PCSK5: variants seen among roughly 807,000 people sequenced by gnomAD.
The protein encoded by PCSK5 is prohormone convertase 5.
A neutral mutation model predicts 233.2 loss-of-function variants in PCSK5; 129 were observed. That is an observed-to-expected ratio of 0.55 (90% CI 0.48 to 0.64). The LOEUF is 0.64. Among genes scored for constraint, PCSK5 ranks in the 30% least tolerant of loss-of-function variants. The pLI is 0.00. For missense variants in PCSK5, 2,076 were observed against 2,430.1 expected, an observed-to-expected ratio of 0.85 and a Z score of 3.06; for synonymous variants, 825 against 879.2, an observed-to-expected ratio of 0.94 and a Z score of 1.09.
chr9:76,079,201 T>TA (rs1830746241), intron 7 of PCSK5, among the ~76,000 whole-genome samples: 2 of 151,842 alleles, frequency 1.3e-5, no homozygotes, highest in South Asian at 4.2e-4. Flanking sequence ...CCTCTGGGGT[T>TA]CAAATGATTC....
chr9:76,203,681 C>T (rs1825000753), intron 20 of PCSK5, among the ~76,000 whole-genome samples: 1 of 152,148 alleles, frequency 6.6e-6, no homozygotes. Context: ...GTCTTACCTA[C>T]AGAACTGTGA....
At chr9:76,356,900 C>T (rs1192394941) in intron 37 of PCSK5, among the ~76,000 whole-genome samples, 1 of 152,112 alleles carries the variant, frequency 6.6e-6, no homozygotes, top group Non-Finnish European at 1.5e-5. Context: ...CCCTTGAACA[C>T]GAGAGATCCA....
chr9:76,118,972 G>GT (rs1200044779), intron 9 of PCSK5, among the ~76,000 whole-genome samples: 2 of 151,304 alleles, frequency 1.3e-5, no homozygotes, highest in Non-Finnish European at 1.5e-5. Context: ...CCTCCCATTT[G>GT]TTTTTTTAAA....
At chr9:76,219,193 T>C (rs1035753566) in intron 20 of PCSK5, among the ~76,000 whole-genome samples, 2 of 152,158 alleles carry the variant, frequency 1.3e-5, no homozygotes, top group East Asian at 1.9e-4. Flanking sequence ...GTTTGAGCAC[T>C]TGAAGTCAGG....
intron 32 of PCSK5, among the ~76,000 whole-genome samples, chr9:76,327,102 ATTTTT>A (rs56100078): frequency 5.5e-5 from 7 of 128,202 alleles, no homozygotes; most frequent in African/African-American, 1.8e-4. Context: ...GCCCATCTCT[ATTTTT>A]TTTTTTTTTT....
At chr9:76,131,220 T>G (rs1822751112) in intron 9 of PCSK5, among the ~76,000 whole-genome samples, 1 of 152,112 alleles carries the variant, frequency 6.6e-6, no homozygotes, top group Non-Finnish European at 1.5e-5. Context: ...AAGTAAGATG[T>G]GAATCAGACG....
chr9:76,278,540 T>A (rs1363683586), intron 24 of PCSK5, among the ~76,000 whole-genome samples: 2 of 152,174 alleles, frequency 1.3e-5, no homozygotes, highest in African/African-American at 4.8e-5. Flanking sequence ...TTTTTTTCCT[T>A]AATAACATTT....
chr9:75,974,123 G>A (rs1334154583), intron 2 of PCSK5, among the ~76,000 whole-genome samples: 1 of 152,228 alleles, frequency 6.6e-6, no homozygotes, highest in African/African-American at 2.4e-5. Flanking sequence ...AATTGACTGT[G>A]GTGGGCATGG....
At chr9:76,109,269 G>A (rs918375833) in intron 9 of PCSK5, among the ~76,000 whole-genome samples, 3 of 152,026 alleles carry the variant, frequency 2.0e-5, no homozygotes. Flanking sequence ...TCTGGAATAT[G>A]TTTCTGTCCA....
chr9:76,112,995 C>T (rs963767798), intron 9 of PCSK5, among the ~76,000 whole-genome samples: 5 of 152,128 alleles, frequency 3.3e-5, no homozygotes, highest in Non-Finnish European at 7.4e-5. Flanking sequence ...TTCGTCTAGT[C>T]CAACCTTACC....
At chr9:76,087,838 T>A (rs1831126635) in intron 7 of PCSK5, among the ~76,000 whole-genome samples, 1 of 152,076 alleles carries the variant, frequency 6.6e-6, no homozygotes, top group Admixed American at 6.6e-5. Context: ...GATAGATTGG[T>A]GAGGTTCAGA....
chr9:76,010,897 G>T (rs142067957), intron 3 of PCSK5, among the ~76,000 whole-genome samples: 11 of 152,140 alleles, frequency 7.2e-5, no homozygotes, highest in African/African-American at 2.7e-4. Context: ...TGTGGTTTAG[G>T]TTACAGGAAC....
intron 5 of PCSK5, among the ~76,000 whole-genome samples, chr9:76,028,386 T>C (rs1447094783): frequency 6.6e-6 from 1 of 152,106 alleles, no homozygotes. Flanking sequence ...CAAATCAGCC[T>C]CCCCAGACAT....
intron 24 of PCSK5, among the ~76,000 whole-genome samples, chr9:76,273,641 T>C (rs1472176206): frequency 6.7e-6 from 1 of 148,300 alleles, no homozygotes; most frequent in Non-Finnish European, 1.5e-5. Flanking sequence ...ATTGATATTA[T>C]TATTATCATT....
chr9:76,325,367 T>A (rs1829329662), intron 32 of PCSK5, among the ~76,000 whole-genome samples: 1 of 152,210 alleles, frequency 6.6e-6, no homozygotes. Context: ...TTTAATTATC[T>A]CCTTGAGAAA....
At chr9:76,011,032 A>T (rs1827709131) in intron 3 of PCSK5, among the ~76,000 whole-genome samples, 2 of 152,160 alleles carry the variant, frequency 1.3e-5, no homozygotes, top group Admixed American at 1.3e-4. Context: ...TGGAATTATT[A>T]TTTTTCTCTA....
intron 5 of PCSK5, among the ~76,000 whole-genome samples, chr9:76,030,059 G>A (rs545816500): frequency 5.9e-4 from 90 of 151,918 alleles, no homozygotes; most frequent in African/African-American, 2.1e-3. Context: ...TTTATTCACA[G>A]GAGTATACTT....
At chr9:76,282,457 C>T (rs1052020579) in intron 24 of PCSK5, among the ~76,000 whole-genome samples, 24 of 150,112 alleles carry the variant, frequency 1.6e-4, no homozygotes, top group African/African-American at 5.7e-4. Flanking sequence ...GTAGCTGTGA[C>T]TACAAGCACT....
At chr9:76,088,563 GTTAC>G (rs1446577789) in intron 7 of PCSK5, among the ~76,000 whole-genome samples, 1 of 152,168 alleles carries the variant, frequency 6.6e-6, no homozygotes, top group Non-Finnish European at 1.5e-5. Context: ...TCTCATTCAA[GTTAC>G]TTGTGGATTT....
Sources: gnomAD v4.1 joint callset for allele counts (sites outside exome capture counted in the v4.1 genomes callset) on GRCh38, gnomAD v4.1.1 for gene constraint, MANE v1.5 for transcripts, NCBI Gene and HGNC (gene_info 2026-07-23, HGNC 2026-07-21) for gene names.